The following SRGAP2 variants were observed in gnomAD, a reference collection of about 807,000 sequenced individuals.
The protein encoded by SRGAP2 is SLIT-ROBO Rho GTPase activating protein 2.
A neutral mutation model predicts 57.2 loss-of-function variants in SRGAP2; 15 were observed. The observed-to-expected ratio is 0.26, with a 90% CI of 0.18 to 0.40. SRGAP2 has a LOEUF of 0.40. Among genes scored for constraint, SRGAP2 ranks in the 10% least tolerant of loss-of-function variants. The pLI, the probability that SRGAP2 is intolerant of heterozygous loss-of-function variation, is 1.00. For missense variants in SRGAP2, 520 were observed against 669.6 expected, an observed-to-expected ratio of 0.78 and a Z score of 2.47; for synonymous variants, 249 against 248.0, an observed-to-expected ratio of 1.00 and a Z score of -0.04.
intron 2 of SRGAP2, among the ~76,000 whole-genome samples, chr1:206,272,475 G>A (rs1288231241): frequency 6.6e-6 from 1 of 151,440 alleles, no homozygotes; most frequent in African/African-American, 2.4e-5. Flanking sequence ...GCAGTGGCAC[G>A]ATCTCGGCTC....
At chr1:206,209,482 T>C (rs1666171685) in intron 2 of SRGAP2, among the ~76,000 whole-genome samples, 1 of 151,596 alleles carries the variant, frequency 6.6e-6, no homozygotes. Context: ...GCCCCAACCC[T>C]ACCCCAGAGT....
At chr1:206,441,226 T>G (rs1662267771) in intron 17 of SRGAP2, among the ~76,000 whole-genome samples, 1 of 152,118 alleles carries the variant, frequency 6.6e-6, no homozygotes, top group South Asian at 2.1e-4. Context: ...GATGTCCAAG[T>G]GGAGATTTTG....
chr1:206,293,063 T>C (rs1336902244), intron 2 of SRGAP2, among the ~76,000 whole-genome samples: 1 of 152,194 alleles, frequency 6.6e-6, no homozygotes, highest in Non-Finnish European at 1.5e-5. Flanking sequence ...TACAGGAACG[T>C]AGGGTCTGGA....
At chr1:206,220,776 G>A (rs1317796870) in intron 2 of SRGAP2, among the ~76,000 whole-genome samples, 28 of 152,114 alleles carry the variant, frequency 1.8e-4, no homozygotes, top group Admixed American at 1.4e-3. Flanking sequence ...TGGGAAGGAG[G>A]AGGCTATTGA....
chr1:206,215,058 A>G (rs1166436651), intron 2 of SRGAP2, among the ~76,000 whole-genome samples: 3 of 143,318 alleles, frequency 2.1e-5, no homozygotes, highest in Non-Finnish European at 4.6e-5. Flanking sequence ...TGCAAAGAAT[A>G]CAGGCTCTGG....
intron 13 of SRGAP2, among the ~76,000 whole-genome samples, chr1:206,429,154 A>C (rs1553367407): frequency 1.3e-5 from 2 of 152,170 alleles, no homozygotes; most frequent in Non-Finnish European, 2.9e-5. Flanking sequence ...AGGCAAATTG[A>C]GGCCCAAAAA....
At chr1:206,414,408 T>G (rs1204252456) in intron 10 of SRGAP2, among the ~76,000 whole-genome samples, 1 of 152,174 alleles carries the variant, frequency 6.6e-6, no homozygotes, top group East Asian at 1.9e-4. Flanking sequence ...TGATGTATAA[T>G]TATATGTTTT....
At chr1:206,444,645 A>T (rs1214358029) in intron 17 of SRGAP2, among the ~76,000 whole-genome samples, 1 of 152,192 alleles carries the variant, frequency 6.6e-6, no homozygotes, top group Non-Finnish European at 1.5e-5. Context: ...GAGGTTACCA[A>T]GGTAATTATC....
intron 16 of SRGAP2, among the ~76,000 whole-genome samples, chr1:206,438,301 C>T (rs1051261262): frequency 6.6e-6 from 1 of 152,064 alleles, no homozygotes; most frequent in South Asian, 2.1e-4. Flanking sequence ...ATCTAGGACC[C>T]CCCAAGTCAG....
At chr1:206,285,341 G>A (rs1334702009) in intron 2 of SRGAP2, among the ~76,000 whole-genome samples, 1 of 151,990 alleles carries the variant, frequency 6.6e-6, no homozygotes, top group Non-Finnish European at 1.5e-5. Flanking sequence ...ACCTTTGGGC[G>A]CCTCTCATGC....
At chr1:206,451,457 G>A (rs1250449384) in intron 19 of SRGAP2, among the ~76,000 whole-genome samples, 2 of 152,080 alleles carry the variant, frequency 1.3e-5, no homozygotes, top group Non-Finnish European at 2.9e-5. Context: ...AGTCTCAGCA[G>A]CTGACAAGGG....
intron 4 of SRGAP2, among the ~76,000 whole-genome samples, chr1:206,353,554 G>C (rs1676190401): frequency 6.6e-6 from 1 of 152,080 alleles, no homozygotes; most frequent in Non-Finnish European, 1.5e-5. Context: ...GGCTGAGGCA[G>C]GAGAATCACT....
intron 3 of SRGAP2, among the ~76,000 whole-genome samples, chr1:206,333,092 C>T (rs1553332413): frequency 2.1e-5 from 3 of 142,928 alleles, no homozygotes; most frequent in East Asian, 2.0e-4. Flanking sequence ...TGTGCCCCTG[C>T]TGGGGGGTGC....
At chr1:206,402,791 T>TTA (rs1658307648) in intron 8 of SRGAP2, among the ~76,000 whole-genome samples, 1 of 143,566 alleles carries the variant, frequency 7.0e-6, no homozygotes, top group Admixed American at 7.0e-5. Flanking sequence ...GGTAAAGTGC[T>TTA]TATGCCTGGG....
rs1435082046 is a variant in SRGAP2, at chr1:206,289,311, C to T, written c.68-13970C>T. Among the ~76,000 whole-genome samples the T allele has an allele frequency of 1.5e-4, 21 of 138,530 alleles. 1 individual carries two copies. The highest frequency in any genetic ancestry group is 7.4e-4 in the Admixed American group (10 of 13,530). The allele number at this position is 138,530 out of a possible 152,430, so 90.9% of individuals were successfully genotyped here. On this transcript the variant is annotated intron_variant, in intron 2 of 22. Coordinates refer to ENST00000573034, the MANE Select transcript of SRGAP2 (RefSeq NM_015326.5). ...TTTTTGAGACGGAGTCTCGCTCTGTCGCCCAGGCTGGAGTGCAGTGGTGCC... is the reference window on the plus strand; with the variant it reads ...TTTTTGAGACGGAGTCTCGCTCTGTTGCCCAGGCTGGAGTGCAGTGGTGCC...
intron 19 of SRGAP2, among the ~76,000 whole-genome samples, chr1:206,450,914 C>A (rs949556034): frequency 6.6e-6 from 1 of 150,832 alleles, no homozygotes; most frequent in Non-Finnish European, 1.5e-5. Flanking sequence ...GAATTCAAGA[C>A]CAGCCTAGGC....
intron 2 of SRGAP2, among the ~76,000 whole-genome samples, chr1:206,265,682 A>G (rs1197447922): frequency 6.6e-6 from 1 of 150,876 alleles, no homozygotes; most frequent in Non-Finnish European, 1.5e-5. Context: ...GAGCATGTGG[A>G]TATTTTTGAA....
chr1:206,457,783 C>T (rs1553378926), intron 21 of SRGAP2, among the ~76,000 whole-genome samples: 2 of 152,200 alleles, frequency 1.3e-5, no homozygotes, highest in African/African-American at 4.8e-5. Flanking sequence ...CAACTCCTGC[C>T]TCAGCCCCCA....
At chr1:206,226,747 C>T (rs1553305575) in intron 2 of SRGAP2, among the ~76,000 whole-genome samples, 1 of 152,172 alleles carries the variant, frequency 6.6e-6, no homozygotes, top group African/African-American at 2.4e-5. Context: ...AACACTGGCT[C>T]AAGTATGTTT....
Sources: allele counts gnomAD v4.1 joint callset (sites outside exome capture counted in the v4.1 genomes callset), GRCh38; gene constraint gnomAD v4.1.1; transcripts MANE v1.5; gene names NCBI Gene and HGNC (gene_info 2026-07-23, HGNC 2026-07-21).